Variants in USP34 observed in about 807,000 individuals in gnomAD.
The protein encoded by USP34 is ubiquitin specific peptidase 34.
In USP34, 70 loss-of-function variants were observed where a neutral mutation model predicts 460.3. The ratio of observed to expected loss-of-function variants is 0.15; its 90% CI spans 0.13 to 0.19. The LOEUF is 0.19. Ranked by LOEUF, USP34 falls within the 10% of genes least tolerant of loss-of-function variation. USP34 has a pLI of 1.00. For synonymous variants in USP34, 1,647 were observed against 1,405.3 expected (o/e 1.17, Z -3.85); for missense variants, 3,985 against 4,236.2 (o/e 0.94, Z 1.65).
intron 75 of USP34, among the ~76,000 whole-genome samples, chr2:61,195,254 C>A (rs953427222): frequency 1.3e-5 from 2 of 151,778 alleles, no homozygotes; most frequent in Non-Finnish European, 2.9e-5. Context: ...CCATGTTGCC[C>A]AGGCTGGTCT....
chr2:61,380,448 C>A, intron 6 of USP34, 87 bp from the exon 7 acceptor site: 2 of 1,360,238 alleles, frequency 1.5e-6, no homozygotes, highest in Non-Finnish European at 2.0e-6. Context: ...ACATTGTAAG[C>A]ATTAACATTT....
At chr2:61,380,463 T>C in intron 6 of USP34, 102 bp from the exon 7 acceptor site, 1 of 1,244,910 alleles carries the variant, frequency 8.0e-7, no homozygotes, top group Admixed American at 2.7e-5. Flanking sequence ...ACATTTTTTG[T>C]GTCCAAAACC....
chr2:61,380,437 T>G (rs553628786), intron 6 of USP34, 76 bp from the exon 7 acceptor site: 42 of 1,430,454 alleles, frequency 2.9e-5, no homozygotes, highest in Middle Eastern at 3.6e-4. Context: ...ACTTAAAATG[T>G]ACATTGTAAG....
intron 10 of USP34, among the ~76,000 whole-genome samples, chr2:61,355,425 T>C (rs1692072786): frequency 6.6e-6 from 1 of 152,184 alleles, no homozygotes; most frequent in Non-Finnish European, 1.5e-5. Context: ...ACATACCAAG[T>C]TGCAATTTGT....
At chr2:61,309,532 T>C (rs1474105071) in intron 27 of USP34, among the ~76,000 whole-genome samples, 1 of 152,180 alleles carries the variant, frequency 6.6e-6, no homozygotes, top group Admixed American at 6.5e-5. Flanking sequence ...CTGTACTATC[T>C]TCTCTATGTT....
chr2:61,229,430 T>C, intron 59 of USP34, 118 bp downstream of exon 59: 1 of 686,642 alleles, frequency 1.5e-6, no homozygotes, highest in Non-Finnish European at 2.2e-6. Flanking sequence ...GAGACCAGCC[T>C]GGGCAACATG....
At chr2:61,195,559 C>G (rs1220625280) in intron 75 of USP34, among the ~76,000 whole-genome samples, 1 of 151,828 alleles carries the variant, frequency 6.6e-6, no homozygotes, top group East Asian at 2.0e-4. Context: ...GTAATCCCAG[C>G]TACTCAGGAG....
Position 61,352,552 on chromosome 2 carries a change from G to A in USP34, c.1252-1859C>T, listed in dbSNP as rs185016969. ...ATATTGCCCAGTCTAATTTTAAAAC[G>A]CCTAAGCTCAAGTGATCCTCTTGCC... On this transcript the variant is annotated intron_variant, in intron 10 of 79. Coordinates refer to ENST00000398571, the MANE Select transcript of USP34 (RefSeq NM_014709.4). Among the ~76,000 whole-genome samples the A allele has an allele frequency of 1.8e-4, 28 of 151,442 alleles. 2 individuals carry two copies. The East Asian group carries it at 4.7e-3, about 25-fold the overall frequency.
chr2:61,323,861 C>G (rs6715115), intron 21 of USP34, among the ~76,000 whole-genome samples: 1 of 152,052 alleles, frequency 6.6e-6, no homozygotes, highest in Non-Finnish European at 1.5e-5. Flanking sequence ...CAATAAATGA[C>G]GTAATAACAC....
intron 38 of USP34, 145 bp from the exon 39 acceptor site, chr2:61,280,493 T>C (rs1413078684): frequency 2.5e-6 from 1 of 397,796 alleles, no homozygotes; most frequent in South Asian, 1.1e-4. Context: ...AGTACACGCT[T>C]AGTTTCTGTA....
At chr2:61,233,863 A>C (rs1269468855) in intron 57 of USP34, among the ~76,000 whole-genome samples, 1 of 151,516 alleles carries the variant, frequency 6.6e-6, no homozygotes, top group African/African-American at 2.4e-5. Context: ...AAAAAAAGTT[A>C]TAAAGATGAG....
At chr2:61,425,162 G>T (rs1158847606) in intron 1 of USP34, among the ~76,000 whole-genome samples, 1 of 151,956 alleles carries the variant, frequency 6.6e-6, no homozygotes, top group East Asian at 1.9e-4. Flanking sequence ...AGCATAGAAG[G>T]CTCCACTGAT....
At chr2:61,226,174 C>CA (rs1315792584) in intron 62 of USP34, among the ~76,000 whole-genome samples, 3 of 152,070 alleles carry the variant, frequency 2.0e-5, no homozygotes, top group African/African-American at 7.2e-5. Context: ...TATAAATATA[C>CA]AAAAAATTTT....
intron 2 of USP34, among the ~76,000 whole-genome samples, chr2:61,406,471 T>G (rs1323148818): frequency 1.3e-5 from 2 of 152,160 alleles, no homozygotes; most frequent in African/African-American, 4.8e-5. Flanking sequence ...ATTAGGAAAC[T>G]TATAACAAAA....
intron 32 of USP34, among the ~76,000 whole-genome samples, chr2:61,294,386 T>C (rs574975324): frequency 2.6e-5 from 4 of 152,142 alleles, no homozygotes; most frequent in African/African-American, 7.2e-5. Context: ...AAAAAGCCTA[T>C]AAACATCTTT....
intron 58 of USP34, among the ~76,000 whole-genome samples, chr2:61,231,460 C>G (rs1487783244): frequency 6.6e-6 from 1 of 152,086 alleles, no homozygotes; most frequent in Non-Finnish European, 1.5e-5. Flanking sequence ...CAACTATAAT[C>G]CCAGAACTCT....
intron 49 of USP34, 40 bp downstream of exon 49, chr2:61,248,471 G>C: frequency 6.7e-7 from 1 of 1,502,722 alleles, no homozygotes; most frequent in Non-Finnish European, 8.9e-7. Context: ...TATGGAGATT[G>C]ACAATAATCA....
chr2:61,229,538 T>C lies in USP34; in HGVS notation c.7199+10A>G. 3 of 1,584,442 alleles carry C rather than the reference T, an allele frequency of 1.9e-6. No homozygotes were observed. Among genetic ancestry groups the C allele is most frequent in the Non-Finnish European group, 2.6e-6 (3 of 1,165,782 alleles). ...CAGACACACAAACTTATTCAAAAAG[T>C]ACTTCTTACCCATCTTCCATTCCTG... is the stretch of plus-strand genomic sequence containing the variant. On this transcript the variant is annotated intron_variant, in intron 59 of 79. Coordinates refer to ENST00000398571, the MANE Select transcript of USP34 (RefSeq NM_014709.4).
chr2:61,281,880 A>C (rs887319713), intron 37 of USP34, among the ~76,000 whole-genome samples: 1 of 152,228 alleles, frequency 6.6e-6, no homozygotes, highest in African/African-American at 2.4e-5. Context: ...CACAGAAGCA[A>C]CTTCAATCGG....
Sources: allele counts gnomAD v4.1 joint callset (sites outside exome capture counted in the v4.1 genomes callset), GRCh38; gene constraint gnomAD v4.1.1; transcripts MANE v1.5; gene names NCBI Gene and HGNC (gene_info 2026-07-23, HGNC 2026-07-21).